DAGLB: variants seen among roughly 807,000 people sequenced by gnomAD.
DAGLB encodes diacylglycerol lipase beta.
Under a neutral mutation model 72.1 loss-of-function variants are expected in DAGLB, and 66 were observed. The observed-to-expected ratio is 0.92, with a 90% CI of 0.75 to 1.12. The LOEUF is 1.12. Among genes scored for constraint, DAGLB ranks in the 50% most tolerant of loss-of-function variants. The pLI is 0.00. For missense variants in DAGLB, 1,065 were observed against 884.9 expected, an observed-to-expected ratio of 1.20 and a Z score of -2.58; for synonymous variants, 414 against 359.5, an observed-to-expected ratio of 1.15 and a Z score of -1.71.
At chr7:6,415,832 A>G (rs1192546428) in intron 11 of DAGLB, among the ~76,000 whole-genome samples, 1 of 151,426 alleles carries the variant, frequency 6.6e-6, no homozygotes, top group Non-Finnish European at 1.5e-5. Context: ...GCGACAGAGC[A>G]AGACTCCGTC....
chr7:6,428,263 T>C (rs1248449217), intron 6 of DAGLB, among the ~76,000 whole-genome samples: 1 of 143,014 alleles, frequency 7.0e-6, no homozygotes, highest in Admixed American at 7.4e-5. Flanking sequence ...GGAGAATCAC[T>C]TGAACCTGGG....
At position 6,446,048 on chromosome 7, in the gene DAGLB, CCAGCA is replaced by C. The variant is rs2115303285; in HGVS notation, c.147_151del (p.Cys49TrpfsTer37). On this transcript the variant is annotated frameshift_variant, in exon 2 of 15. Transcript: ENST00000297056. LOFTEE classifies it high-confidence loss of function. The stretch of plus-strand genomic sequence containing the variant: ...CAAGTAACTGCTGAGCAAGGCTCCA[CCAGCA>C]CAGTCCAGCTTTCCTCTGTGCATGA... 1 of 1,613,210 alleles carries C rather than the reference CCAGCA, an allele frequency of 6.2e-7. No homozygotes were observed.
Position 6,445,951 on chromosome 7 carries a change from A to T in DAGLB, c.247+2T>A. 1 of 1,582,714 alleles carries T rather than the reference A, an allele frequency of 6.3e-7. No individual in the cohort carries two copies. The highest frequency in any genetic ancestry group is 8.6e-7 in the Non-Finnish European group (1 of 1,167,782). Reference sequence around the variant, plus strand: ...TATCAAATAGAAAAGGCTACTTTTTACCTCTCATGCTGACACACATGATGG... The same window carrying T: ...TATCAAATAGAAAAGGCTACTTTTTTCCTCTCATGCTGACACACATGATGG... On this transcript the variant is annotated splice_donor_variant, in intron 2 of 14. Transcript: ENST00000297056. LOFTEE classifies it high-confidence loss of function.
rs1249440744 is a variant in DAGLB at position 6,447,870 on chromosome 7, G to A, written c.-28C>T. The A allele has an allele frequency of 3.8e-6, 6 of 1,584,680 alleles. No individual in the cohort carries two copies. In the Admixed American group the frequency reaches 9.4e-5, roughly 25 times the overall value. ...CGAAGGTCCCGTAGCTCGCACTCAG[G>A]AGAGACCCCGCGCGCCGTTCACCGA... On this transcript the variant is annotated 5_prime_UTR_variant, in exon 1 of 15. Coordinates refer to ENST00000297056, the MANE Select transcript of DAGLB (RefSeq NM_139179.4).
At chr7:6,427,415 G>A (rs1344642019) in intron 6 of DAGLB, among the ~76,000 whole-genome samples, 1 of 152,152 alleles carries the variant, frequency 6.6e-6, no homozygotes, top group Non-Finnish European at 1.5e-5. Context: ...GGAGGCTGAG[G>A]CGGGAGGATC....
intron 13 of DAGLB, among the ~76,000 whole-genome samples, chr7:6,411,052 T>A: frequency 6.6e-6 from 1 of 151,978 alleles, no homozygotes; most frequent in African/African-American, 2.4e-5. Flanking sequence ...ACCCGGCTAA[T>A]TTTTTGTATT....
Position 6,432,875 on chromosome 7 carries a change from G to A in DAGLB, c.763C>T (p.Pro255Ser). Residue 255 changes from proline (P) to serine (S), a missense_variant, in exon 5 of 15, where the codon CCT becomes TCT. Coordinates refer to ENST00000297056, the MANE Select transcript of DAGLB (RefSeq NM_139179.4). ...GGGGCATGGCAGACCACCTGGGCAG[G>A]CTCTTGGTTGTTCCTGATATTGTCC... ...QQDNIRNNQE[P>S]AQVVCHAPGS... The A allele has an allele frequency of 6.2e-7, 1 of 1,613,932 alleles. No individual in the cohort carries two copies. The highest frequency in any genetic ancestry group is 1.3e-5 in the African/African-American group (1 of 75,056).
At position 6,413,146 on chromosome 7, in the gene DAGLB, G is replaced by A. The variant is rs893866066; in HGVS notation, c.1428-112C>T. On this transcript the variant is annotated intron_variant, in intron 11 of 14. Coordinates refer to ENST00000297056, the MANE Select transcript of DAGLB (RefSeq NM_139179.4). ...GGTTAGGTTCCCAGGCCTCAGCTCT[G>A]TTCTCTCTTCTCTAAAGGGAGGGTA... 6 of 1,136,690 alleles carry A rather than the reference G, an allele frequency of 5.3e-6. No individual in the cohort carries two copies. In the Admixed American group the frequency reaches 6.6e-5, roughly 13 times the overall value. The allele number at this position is 1,136,690 out of a possible 1,614,324, so 70.4% of individuals were successfully genotyped here.
intron 1 of DAGLB, among the ~76,000 whole-genome samples, chr7:6,447,127 T>G (rs73676754): frequency 6.6e-6 from 1 of 152,206 alleles, no homozygotes; most frequent in Non-Finnish European, 1.5e-5. Flanking sequence ...GCGTGAGCCA[T>G]GGCGCCCAGC....
At chr7:6,417,090 G>C in intron 9 of DAGLB, 169 bp from the exon 10 acceptor site, 2 of 722,044 alleles carry the variant, frequency 2.8e-6, no homozygotes, top group South Asian at 1.8e-5. Flanking sequence ...CTGGCACCTT[G>C]CACAGCGCCT....
At chr7:6,418,964 G>A (rs1252657647) in intron 9 of DAGLB, among the ~76,000 whole-genome samples, 1 of 151,770 alleles carries the variant, frequency 6.6e-6, no homozygotes, top group Non-Finnish European at 1.5e-5. Context: ...GCACCTGGCT[G>A]CAACTACAAG....
chr7:6,415,360 G>C (rs1783873330), intron 11 of DAGLB, among the ~76,000 whole-genome samples: 1 of 151,944 alleles, frequency 6.6e-6, no homozygotes, highest in Non-Finnish European at 1.5e-5. Context: ...AGTGTGCGAA[G>C]AAAAGCTCTT....
intron 9 of DAGLB, among the ~76,000 whole-genome samples, chr7:6,420,968 C>A (rs1043403727): frequency 6.6e-6 from 1 of 152,196 alleles, no homozygotes; most frequent in Non-Finnish European, 1.5e-5. Flanking sequence ...CTGCTCTGAG[C>A]TTTGATGAAG....
rs948193681 is a variant in DAGLB, at chr7:6,431,897, C to T, written c.801+940G>A. The stretch of plus-strand genomic sequence containing the variant: ...GTGATGCAATACAACCAGTGGAAGC[C>T]GCCAATCAGATTCCAACCCTGCTGC... On this transcript the variant is annotated intron_variant, in intron 5 of 14. Transcript: ENST00000297056. 3.9e-5 allele frequency among the ~76,000 whole-genome samples: 6 copies of T among 152,270 alleles called. No individual in the cohort carries two copies. In the South Asian group the frequency reaches 6.2e-4, roughly 16 times the overall value.
rs1369317464 is a variant in DAGLB, at chr7:6,434,819, G to A, written c.621C>T (p.Asp207=). 2 of 1,614,048 alleles carry A rather than the reference G, an allele frequency of 1.2e-6. No individual in the cohort carries two copies. The highest frequency in any genetic ancestry group is 1.7e-6 in the Non-Finnish European group (2 of 1,180,044). Reference sequence around the variant, plus strand: ...TCGAAAAAGCAACCCGAGTATGGTCGTCTTTCCCAATGCAACAGCACAAGA... The same window carrying A: ...TCGAAAAAGCAACCCGAGTATGGTCATCTTTCCCAATGCAACAGCACAAGA... ...IKLLCCCIGK[D]DHTRVAFSST... Residue 207 remains aspartate (D), a synonymous_variant, in exon 4 of 15, where the codon GAC becomes GAT. Transcript: ENST00000297056.
In DAGLB at chr7:6,427,337, T is replaced by C. The variant is rs557420321; in HGVS notation, c.930-1223A>G. ...GATGTGGAGAAGCAAAGAGAAACTC[T>C]GTGGCTTTGGACTAGAATTAAAAGA... On this transcript the variant is annotated intron_variant, in intron 6 of 14. Transcript: ENST00000297056. Among the ~76,000 whole-genome samples the C allele has an allele frequency of 7.2e-5, 11 of 152,194 alleles. No homozygotes were observed. The East Asian group carries it at 2.1e-3, about 29-fold the overall frequency.
intron 6 of DAGLB, among the ~76,000 whole-genome samples, chr7:6,427,140 A>T (rs1784339438): frequency 6.6e-6 from 1 of 152,166 alleles, no homozygotes; most frequent in South Asian, 2.1e-4. Context: ...TAAAATAAAT[A>T]AAAATAAAAA....
Position 6,409,705 on chromosome 7 carries a change from A to T in DAGLB, c.*132T>A. On this transcript the variant is annotated 3_prime_UTR_variant, in exon 15 of 15. Coordinates refer to ENST00000297056, the MANE Select transcript of DAGLB (RefSeq NM_139179.4). Reference sequence around the variant, plus strand: ...AAACTTAAGTCATTGAGACCATGGAATTCTGTTCCCATCCGATTCCTGTTG... The same window carrying T: ...AAACTTAAGTCATTGAGACCATGGATTTCTGTTCCCATCCGATTCCTGTTG... 2 of 1,062,448 alleles carry T rather than the reference A, an allele frequency of 1.9e-6. No homozygotes were observed. The highest frequency in any genetic ancestry group is 5.2e-5 in the East Asian group (2 of 38,256). The allele number at this position is 1,062,448 out of a possible 1,614,324, so 65.8% of individuals were successfully genotyped here.
intron 2 of DAGLB, chr7:6,445,597 G>C (rs1784974533): frequency 1.3e-5 from 2 of 158,238 alleles, no homozygotes; most frequent in Admixed American, 1.3e-4. Flanking sequence ...TAGCAGCTGG[G>C]ATTACAAGCA....
Sources: allele counts gnomAD v4.1 joint callset (sites outside exome capture counted in the v4.1 genomes callset), GRCh38; gene constraint gnomAD v4.1.1; transcripts MANE v1.5; gene names NCBI Gene and HGNC (gene_info 2026-07-23, HGNC 2026-07-21).